The following SMYD1 variants were observed in gnomAD, a reference collection of about 807,000 sequenced individuals.
SMYD1 encodes the protein SET and MYND domain containing 1.
In SMYD1, 49 loss-of-function variants were observed where a neutral mutation model predicts 54.0. That is an observed-to-expected ratio of 0.91 (90% CI 0.72 to 1.15). The LOEUF is 1.15. Ranked by LOEUF, SMYD1 falls within the 50% of genes most tolerant of loss-of-function variation. The pLI is 0.00. For synonymous variants in SMYD1, 269 were observed against 234.2 expected (o/e 1.15, Z -1.36); for missense variants, 653 against 639.6 (o/e 1.02, Z -0.23).
chr2:88,089,583 C>CTCTTTTTT lies in SMYD1; in HGVS notation c.529-1428_529-1427insCTTTTTTT, dbSNP rs1481581789. On this transcript the variant is annotated intron_variant, in intron 3 of 9. Coordinates refer to ENST00000419482, the MANE Select transcript of SMYD1 (RefSeq NM_198274.4). ...TATTTTCAGGAGCCAGAGCTTCTAC[C>CTCTTTTTT]TGTTTTTTTTTTTTTTTTTTTTTTT... is the stretch of plus-strand genomic sequence containing the variant. Among the ~76,000 whole-genome samples, 37 of 114,996 alleles carry CTCTTTTTT rather than the reference C, an allele frequency of 3.2e-4. 5 individuals are homozygous for CTCTTTTTT. Among genetic ancestry groups the CTCTTTTTT allele is most frequent in the African/African-American group, 4.8e-4 (13 of 27,176 alleles). 75.4% of individuals were successfully genotyped at this position (114,996 alleles called of 152,430 possible).
At chr2:88,081,125 A>G (rs1193984820) in intron 1 of SMYD1, among the ~76,000 whole-genome samples, 2 of 151,316 alleles carry the variant, frequency 1.3e-5, no homozygotes, top group Non-Finnish European at 2.9e-5. Flanking sequence ...CTAGTCTTGA[A>G]CTCCTGACCT....
chr2:88,094,723 G>A (rs1434994972), intron 5 of SMYD1, among the ~76,000 whole-genome samples: 1 of 152,172 alleles, frequency 6.6e-6, no homozygotes, highest in Non-Finnish European at 1.5e-5. Flanking sequence ...CAATCATGAT[G>A]GGAAGTAAAA....
At chr2:88,104,167 C>T (rs1289440107) in intron 7 of SMYD1, among the ~76,000 whole-genome samples, 4 of 152,040 alleles carry the variant, frequency 2.6e-5, no homozygotes, top group East Asian at 1.9e-4. Flanking sequence ...GGGGTTTCAC[C>T]ATGTTAGCCA....
rs754504620 is a variant in SMYD1, at chr2:88,096,638, C to G, written c.742C>G (p.Leu248Val). 1.4e-5 allele frequency: 23 copies of G among 1,614,054 alleles called. No individual in the cohort carries two copies. The highest frequency in any genetic ancestry group is 1.8e-5 in the Non-Finnish European group (21 of 1,179,948). ...ALGKISEGEE[L>V]TVSYIDFLNV... ...AGGCAAGATCTCAGAAGGAGAGGAG[C>G]TGACTGTGTCCTATATTGACTTCCT... The change falls in exon 6 of 10, where the codon CTG becomes GTG. Residue 248 changes from leucine to valine, a missense_variant. Physicochemically the swap from Leu to Val is conservative, Grantham distance 32 (BLOSUM62 1). Transcript: ENST00000419482.
intron 1 of SMYD1, 150 bp downstream of exon 1, chr2:88,068,151 G>A (rs1373784208): frequency 8.8e-7 from 1 of 1,141,718 alleles, no homozygotes; most frequent in Non-Finnish European, 1.2e-6. Flanking sequence ...TAATTTTTCT[G>A]GCACAAATTT....
Position 88,091,021 on chromosome 2 carries a change from A to C in SMYD1, c.538A>C (p.Asn180His), listed in dbSNP as rs1483342560. ...CTTTTCCCCTGGGTAGATTAACTGC[A>C]ACGGTTTTACTCTCAGTGATCAGAG... ...ISHIFGVINCNGFTLSDQRGL... is the reference protein window; with the variant it reads ...ISHIFGVINCHGFTLSDQRGL... The change falls in exon 4 of 10, where the codon AAC becomes CAC. Residue 180 changes from asparagine (N) to histidine (H), a missense_variant. By Grantham distance (68) the Asn-to-His change is moderately conservative. Transcript: ENST00000419482. 6.2e-7 allele frequency: 1 copy of C among 1,613,364 alleles called. No individual in the cohort carries two copies. Among genetic ancestry groups the C allele is most frequent in the Non-Finnish European group, 8.5e-7 (1 of 1,179,552 alleles).
rs1446794654 is a variant in SMYD1 at position 88,107,948 on chromosome 2, TC to T, written c.1146-421del. ...TACACTCGGTGCGCTGCACCCACTGTCCTGCACCCACTGTCCGACAATCCCC... is the reference window on the plus strand; with the variant it reads ...TACACTCGGTGCGCTGCACCCACTGTCTGCACCCACTGTCCGACAATCCCC... On this transcript the variant is annotated intron_variant, in intron 8 of 9. Coordinates refer to ENST00000419482, the MANE Select transcript of SMYD1 (RefSeq NM_198274.4). Among the ~76,000 whole-genome samples the T allele has an allele frequency of 2.0e-5, 3 of 152,216 alleles. No individual in the cohort carries two copies. The East Asian group carries it at 5.8e-4, about 29-fold the overall frequency.
At chr2:88,078,281 A>T (rs1399665073) in intron 1 of SMYD1, among the ~76,000 whole-genome samples, 1 of 152,188 alleles carries the variant, frequency 6.6e-6, no homozygotes, top group Non-Finnish European at 1.5e-5. Context: ...CTCTAAAATC[A>T]CTATGAGAGT....
chr2:88,088,020 G>C lies in SMYD1; in HGVS notation c.473G>C (p.Trp158Ser). 6.2e-7 allele frequency: 1 copy of C among 1,614,138 alleles called. No individual in the cohort carries two copies. The highest frequency in any genetic ancestry group is 8.5e-7 in the Non-Finnish European group (1 of 1,180,030). Residue 158 changes from tryptophan (W) to serine (S), a missense_variant, in exon 3 of 10, where the codon TGG (tryptophan) becomes TCG (serine). Physicochemically the swap from Trp to Ser is radical, Grantham distance 177 (BLOSUM62 -3). Transcript: ENST00000419482. The stretch of plus-strand genomic sequence containing the variant: ...GACGTGGACACATTCTTGCAGTACT[G>C]GCCGCCGCAGAGCCAGCAGTTCAGC... ...RVDVDTFLQY[W>S]PPQSQQFSMQ...
intron 6 of SMYD1, among the ~76,000 whole-genome samples, chr2:88,101,924 G>A (rs961449590): frequency 1.9e-4 from 29 of 152,150 alleles, no homozygotes; most frequent in African/African-American, 7.0e-4. Context: ...CATTGTTGAT[G>A]GTCCCTGTCT....
At chr2:88,085,360 C>G (rs1472380027) in intron 2 of SMYD1, among the ~76,000 whole-genome samples, 1 of 152,094 alleles carries the variant, frequency 6.6e-6, no homozygotes, top group Non-Finnish European at 1.5e-5. Context: ...CCAAGAGATT[C>G]CCAATCCTGG....
At chr2:88,076,419 T>C (rs1002025492) in intron 1 of SMYD1, among the ~76,000 whole-genome samples, 1 of 152,096 alleles carries the variant, frequency 6.6e-6, no homozygotes, top group Non-Finnish European at 1.5e-5. Context: ...GAGACGGGGT[T>C]TCGCCGTGTT....
chr2:88,105,704 G>T (rs1674847883), intron 7 of SMYD1, among the ~76,000 whole-genome samples: 1 of 152,180 alleles, frequency 6.6e-6, no homozygotes, highest in Non-Finnish European at 1.5e-5. Flanking sequence ...TTGGGAGGCT[G>T]AGGTGGGCGG....
chr2:88,081,027 G>A (rs1052532581), intron 1 of SMYD1, among the ~76,000 whole-genome samples: 5 of 151,248 alleles, frequency 3.3e-5, no homozygotes, highest in African/African-American at 4.9e-5. Context: ...CTCAGCCTCC[G>A]GAGTAGCTGG....
In SMYD1 at chr2:88,092,282, G is replaced by A. The variant is rs576539238; in HGVS notation, c.659+1140G>A. 2.0e-5 allele frequency among the ~76,000 whole-genome samples: 3 copies of A among 152,186 alleles called. No homozygotes were observed. In the South Asian group the frequency reaches 6.2e-4, roughly 32 times the overall value. On this transcript the variant is annotated intron_variant, in intron 4 of 9. Transcript: ENST00000419482. The stretch of plus-strand genomic sequence containing the variant: ...CAGCACAGATGAGGGGGGACATAAG[G>A]GCACATGATGGATTTGGGGGTGGGG...
At chr2:88,104,124 G>A (rs528117893) in intron 7 of SMYD1, among the ~76,000 whole-genome samples, 67 of 152,098 alleles carry the variant, frequency 4.4e-4, no homozygotes, top group Admixed American at 1.7e-3. Context: ...CCGCCACCAC[G>A]CCTGGCTAAT....
intron 4 of SMYD1, among the ~76,000 whole-genome samples, chr2:88,091,768 G>A (rs1674467682): frequency 6.6e-6 from 1 of 152,180 alleles, no homozygotes; most frequent in Non-Finnish European, 1.5e-5. Flanking sequence ...TGAGGATGAG[G>A]CAGGAGGATC....
chr2:88,087,837 C>T (rs1397722820), intron 2 of SMYD1, 25 bp from the exon 3 acceptor site: 2 of 1,526,742 alleles, frequency 1.3e-6, no homozygotes, highest in South Asian at 1.3e-5. Context: ...GCTGTAGTGG[C>T]CTCCTGACGC....
chr2:88,094,184 G>A (rs1189565916), intron 5 of SMYD1, among the ~76,000 whole-genome samples: 3 of 152,138 alleles, frequency 2.0e-5, no homozygotes, highest in East Asian at 1.9e-4. Flanking sequence ...GGGAATGCTG[G>A]GGTAGAAGTG....
Sources: allele counts gnomAD v4.1 joint callset (sites outside exome capture counted in the v4.1 genomes callset), GRCh38; gene constraint gnomAD v4.1.1; transcripts MANE v1.5; gene names NCBI Gene and HGNC (gene_info 2026-07-23, HGNC 2026-07-21).